KIF1C: variants seen among roughly 807,000 people sequenced by gnomAD.
KIF1C encodes kinesin-like protein KIF1C.
In KIF1C, 61 loss-of-function variants were observed where a neutral mutation model predicts 126.5. The ratio of observed to expected loss-of-function variants is 0.48; its 90% CI spans 0.39 to 0.60. The LOEUF is 0.60. Ranked by LOEUF, KIF1C falls within the 20% of genes least tolerant of loss-of-function variation. The pLI, the probability that KIF1C is intolerant of heterozygous loss-of-function variation, is 0.00. For missense variants in KIF1C, 1,315 were observed against 1,489.2 expected (o/e 0.88, Z 1.93); for synonymous variants, 640 against 580.6 (o/e 1.10, Z -1.47).
chr17:5,007,169 ATTCTAGGAGTAGCATGGC>A (rs1974753959), intron 14 of KIF1C, 76 bp from the exon 15 acceptor site: 1 of 1,568,398 alleles, frequency 6.4e-7, no homozygotes, highest in Admixed American at 1.9e-5. Context: ...GAAAGAAGGA[ATTCTAGGAGTAGCATGGC>A]CCCAGGGTAG....
intron 1 of KIF1C, chr17:4,999,047 G>T (rs1356046982): frequency 6.6e-6 from 1 of 152,054 alleles, no homozygotes; most frequent in Admixed American, 6.6e-5. Context: ...TCAAACACAG[G>T]TATTTCTGGG....
chr17:5,007,137 A>C (rs1227651110), intron 14 of KIF1C, 53 bp downstream of exon 14: 4 of 1,577,364 alleles, frequency 2.5e-6, no homozygotes, highest in Non-Finnish European at 3.4e-6. Flanking sequence ...CTGGGAGTTT[A>C]CTTCTCCAAA....
At chr17:5,001,664 CTA>C (rs1255837844) in intron 5 of KIF1C, among the ~76,000 whole-genome samples, 1 of 152,204 alleles carries the variant, frequency 6.6e-6, no homozygotes, top group African/African-American at 2.4e-5. Flanking sequence ...TTACGACTTA[CTA>C]CTGTTTTACT....
At chr17:5,000,507 C>G in intron 3 of KIF1C, among the ~76,000 whole-genome samples, 155 bp downstream of exon 3, 1 of 152,112 alleles carries the variant, frequency 6.6e-6, no homozygotes, top group South Asian at 2.1e-4. Flanking sequence ...CTGGCCTTTC[C>G]CGTGTTCCCA....
chr17:5,004,078 G>A lies in KIF1C; in HGVS notation c.940+5G>A. ...GGCTGCTCAAGGAAAATTTGGGTGA[G>A]GGCCTCTTCCTCTTTCTCTGCCGAC... On this transcript the variant is annotated splice_donor_5th_base_variant and intron_variant, in intron 11 of 22. Coordinates refer to ENST00000320785, the MANE Select transcript of KIF1C (RefSeq NM_006612.6). 2 of 1,605,184 alleles carry A rather than the reference G, an allele frequency of 1.2e-6. No homozygotes were observed. Among genetic ancestry groups the A allele is most frequent in the Non-Finnish European group, 8.5e-7 (1 of 1,172,322 alleles).
rs747321053 is a variant in KIF1C at position 5,022,604 on chromosome 17, G to A, written c.2523G>A (p.Thr841=). ...TCCGGGCCCACATCGACAAGCTGAC[G>A]GGGATTCTGCAGGAGGTGAAGCTGC... is the stretch of plus-strand genomic sequence containing the variant. ...EDLRAHIDKL[T]GILQEVKLQN... Residue 841 remains threonine (T), a synonymous_variant, in exon 22 of 23, where the codon ACG becomes ACA. Transcript: ENST00000320785. This position sits in a 1 kb window ranked among gnomAD's most constrained non-coding sequence, Gnocchi z 4.9. The A allele has an allele frequency of 8.7e-6, 14 of 1,606,284 alleles. No individual in the cohort carries two copies. The highest frequency in any genetic ancestry group is 4.5e-5 in the South Asian group (4 of 89,732).
Position 5,002,453 on chromosome 17 carries a change from C to T in KIF1C, c.430-11C>T, listed in dbSNP as rs772925387. ...TAGTTTTGTTACTTCTCATTTGCTT[C>T]TCCCACTCAGGTGAGCTATATGGAG... is the stretch of plus-strand genomic sequence containing the variant. On this transcript the variant is annotated splice_polypyrimidine_tract_variant and intron_variant, in intron 6 of 22. Transcript: ENST00000320785. 13 of 1,565,218 alleles carry T rather than the reference C, an allele frequency of 8.3e-6. No homozygotes were observed. Among genetic ancestry groups the T allele is most frequent in the Non-Finnish European group, 1.1e-5 (13 of 1,152,606 alleles).
chr17:5,013,168 G>A (rs780586799), intron 16 of KIF1C, among the ~76,000 whole-genome samples: 1 of 152,194 alleles, frequency 6.6e-6, no homozygotes, highest in Admixed American at 6.5e-5. Context: ...GATGAAAGGT[G>A]GGGAGTACCA....
chr17:5,016,176 C>T (rs1006524360), intron 18 of KIF1C, among the ~76,000 whole-genome samples: 13 of 149,818 alleles, frequency 8.7e-5, no homozygotes, highest in Admixed American at 3.3e-4. Context: ...CTCGCTGTGT[C>T]GTCCAGGCTG....
rs1315096397 is a variant in KIF1C at position 5,023,379 on chromosome 17, CA to C, written c.2629-88del. The C allele has an allele frequency of 8.9e-7, 1 of 1,117,770 alleles. No individual in the cohort carries two copies. Among genetic ancestry groups the C allele is most frequent in the Admixed American group, 2.3e-5 (1 of 43,742 alleles). 69.2% of individuals were successfully genotyped at this position (1,117,770 alleles called of 1,614,324 possible). A position where few individuals can be genotyped will look rare whatever the true frequency, so the allele number is the denominator to read the frequency against. ...GCTTTTCTCTGGACCCTTTGACATC[CA>C]GCCACTCCAGGTCCCTCTTGAATCC... On this transcript the variant is annotated intron_variant, in intron 22 of 22. Transcript: ENST00000320785. This position sits in a 1 kb window ranked among gnomAD's most constrained non-coding sequence, Gnocchi z 4.2.
Position 5,022,433 on chromosome 17 carries a change from C to A in KIF1C, c.2352C>A (p.Arg784=), listed in dbSNP as rs759759468. The change falls in exon 22 of 23, where the codon CGC becomes CGA. Residue 784 remains arginine (R), a synonymous_variant. Coordinates refer to ENST00000320785, the MANE Select transcript of KIF1C (RefSeq NM_006612.6). The surrounding 1 kb of genome is among the most constrained non-coding windows in gnomAD (Gnocchi z 4.9). ...LAALKMRELC[R]TYGKPDGPGD... is the part of the protein sequence containing the mutation. The stretch of plus-strand genomic sequence containing the variant: ...CCCTCAAGATGCGGGAGCTGTGTCG[C>A]ACCTATGGCAAGCCAGACGGCCCCG... The A allele has an allele frequency of 6.3e-7, 1 of 1,581,442 alleles. No homozygotes were observed.
rs58154963 is a variant in KIF1C at position 5,010,084 on chromosome 17, G to A, written c.1491+2542G>A. On this transcript the variant is annotated intron_variant, in intron 16 of 22. Transcript: ENST00000320785. ...TGGGATTACAGGCACCCACCACCAC[G>A]CCGGGCTAATTTTTGTATTTTAGTA... 3.3e-5 allele frequency among the ~76,000 whole-genome samples: 5 copies of A among 152,052 alleles called. No homozygotes were observed. The East Asian group carries it at 9.8e-4, about 30-fold the overall frequency.
intron 13 of KIF1C, 98 bp downstream of exon 13, chr17:5,005,098 C>T: frequency 2.0e-6 from 3 of 1,475,228 alleles, no homozygotes; most frequent in Non-Finnish European, 2.8e-6. Flanking sequence ...GGAGGGACCA[C>T]ACACTATGAA....
At position 5,024,260 on chromosome 17, in the gene KIF1C, A is replaced by G; in HGVS notation, c.*109A>G. On this transcript the variant is annotated 3_prime_UTR_variant, in exon 23 of 23. Coordinates refer to ENST00000320785, the MANE Select transcript of KIF1C (RefSeq NM_006612.6). ...CTGGGGCAGGGAGGCCCAGGAGATG[A>G]GAGAGAAGGTCCGAGTAGGTGATAG... 1.3e-6 allele frequency: 1 copy of G among 788,132 alleles called. No homozygotes were observed. Among genetic ancestry groups the G allele is most frequent in the Non-Finnish European group, 2.0e-6 (1 of 489,416 alleles). 48.8% of individuals were successfully genotyped at this position (788,132 alleles called of 1,614,324 possible).
rs767179480 is a variant in KIF1C, at chr17:5,001,355, C to T, written c.317C>T (p.Thr106Ile). The T allele has an allele frequency of 5.6e-6, 9 of 1,614,000 alleles. No homozygotes were observed. Among genetic ancestry groups the T allele is most frequent in the Non-Finnish European group, 7.6e-6 (9 of 1,179,972 alleles). Residue 106 changes from threonine to isoleucine, a missense_variant, in exon 5 of 23, where the codon ACC becomes ATC. Thr to Ile is a moderately conservative substitution (Grantham distance 89). This residue lies in a region of KIF1C where 874 missense variants were observed against 1,053.2 expected (regional missense o/e 0.83). Coordinates refer to ENST00000320785, the MANE Select transcript of KIF1C (RefSeq NM_006612.6). ...YGQTGAGKSYTMMGRQEPGQQ... is the reference protein window; with the variant it reads ...YGQTGAGKSYIMMGRQEPGQQ... ...CAGACCGGGGCTGGGAAATCCTATA[C>T]CATGATGGGGCGACAGGAGCCAGGG...
rs1975177753 is a variant in KIF1C, at chr17:5,024,750, T to C, written c.*599T>C. ...GGTTTTCATGGAGGTGTAGGTTATA[T>C]AAGGCAATGGCACAGGTCTTAAGCA... On this transcript the variant is annotated 3_prime_UTR_variant, in exon 23 of 23. Coordinates refer to ENST00000320785, the MANE Select transcript of KIF1C (RefSeq NM_006612.6). 6.5e-6 allele frequency: 1 copy of C among 153,020 alleles called. No individual in the cohort carries two copies. The highest frequency in any genetic ancestry group is 2.4e-5 in the African/African-American group (1 of 41,440). 9.5% of individuals were successfully genotyped at this position (153,020 alleles called of 1,614,324 possible). A position where few individuals can be genotyped will look rare whatever the true frequency, so the allele number is the denominator to read the frequency against.
chr17:4,999,035 C>T (rs190975984), intron 1 of KIF1C: 13 of 152,340 alleles, frequency 8.5e-5, no homozygotes, highest in Non-Finnish European at 1.9e-4. Flanking sequence ...GACCCTCTAC[C>T]CTCAAACACA....
At chr17:5,021,555 C>T (rs1975091485) in intron 21 of KIF1C, among the ~76,000 whole-genome samples, 1 of 152,050 alleles carries the variant, frequency 6.6e-6, no homozygotes, top group African/African-American at 2.4e-5. Context: ...TCATAGCTCA[C>T]TGCAGCCTCG....
At chr17:5,006,305 G>C (rs1163093990) in intron 13 of KIF1C, among the ~76,000 whole-genome samples, 2 of 151,700 alleles carry the variant, frequency 1.3e-5, no homozygotes, top group Non-Finnish European at 2.9e-5. Flanking sequence ...AAAGTGCTGG[G>C]ATTATAGGTA....
Sources: gnomAD v4.1 joint callset for allele counts (sites outside exome capture counted in the v4.1 genomes callset) on GRCh38, gnomAD v4.1.1 for gene constraint, gnomAD v4.1.1 regional missense constraint, Gnocchi (gnomAD v3.1) non-coding constraint, MANE v1.5 for transcripts, NCBI Gene and HGNC (gene_info 2026-07-23, HGNC 2026-07-21) for gene names.